CSMD1: variants seen among roughly 807,000 people sequenced by gnomAD.
The protein encoded by CSMD1 is CUB and sushi domain-containing protein 1.
Under a neutral mutation model 417.5 loss-of-function variants are expected in CSMD1, and 213 were observed. That is an observed-to-expected ratio of 0.51 (90% CI 0.46 to 0.57). The LOEUF (loss-of-function observed/expected upper bound fraction) is 0.57, where lower values mean the gene tolerates loss of function less well. Among genes scored for constraint, CSMD1 ranks in the 20% least tolerant of loss-of-function variants. The pLI is 0.00. For synonymous variants in CSMD1, 2,862 were observed against 1,736.8 expected, an observed-to-expected ratio of 1.65 and a Z score of -16.11; for missense variants, 6,923 against 4,529.7, an observed-to-expected ratio of 1.53 and a Z score of -15.17.
At chr8:3,638,873 G>T (rs1025349743) in intron 7 of CSMD1, among the ~76,000 whole-genome samples, 3 of 152,054 alleles carry the variant, frequency 2.0e-5, no homozygotes, top group Non-Finnish European at 4.4e-5. Context: ...AAAACTACAA[G>T]AAAAATGGGG....
chr8:3,286,693 G>A (rs1803186975), intron 25 of CSMD1, among the ~76,000 whole-genome samples: 1 of 151,502 alleles, frequency 6.6e-6, no homozygotes, highest in Non-Finnish European at 1.5e-5. Flanking sequence ...TTGTAAATTT[G>A]TTAGAGTTCA....
At chr8:3,091,485 T>C in intron 48 of CSMD1, 31 bp downstream of exon 48, 1 of 1,532,484 alleles carries the variant, frequency 6.5e-7, no homozygotes, top group Non-Finnish European at 8.8e-7. Context: ...TTAAAATACT[T>C]TCATATAAAA....
chr8:4,388,676 A>T (rs1025301043), intron 3 of CSMD1, among the ~76,000 whole-genome samples: 2 of 152,094 alleles, frequency 1.3e-5, no homozygotes, highest in African/African-American at 4.8e-5. Context: ...ACCAAATACC[A>T]CTTGAACTCC....
chr8:4,067,648 A>G (rs190487673), intron 3 of CSMD1, among the ~76,000 whole-genome samples: 2 of 152,324 alleles, frequency 1.3e-5, no homozygotes, highest in Admixed American at 6.5e-5. Flanking sequence ...ATTTCATTCA[A>G]AAAGAATAAA....
chr8:3,402,029 CAT>C (rs1413410132), intron 15 of CSMD1, among the ~76,000 whole-genome samples: 3 of 151,934 alleles, frequency 2.0e-5, no homozygotes, highest in Admixed American at 6.6e-5. Flanking sequence ...CACACACACA[CAT>C]ACACCCCTTC....
At chr8:4,065,831 A>G (rs1280445794) in intron 3 of CSMD1, among the ~76,000 whole-genome samples, 1 of 152,180 alleles carries the variant, frequency 6.6e-6, no homozygotes, top group Non-Finnish European at 1.5e-5. Flanking sequence ...CTTTTTTTGG[A>G]ATATATTTTA....
intron 38 of CSMD1, among the ~76,000 whole-genome samples, chr8:3,158,200 A>G (rs1357617732): frequency 6.6e-6 from 1 of 152,166 alleles, no homozygotes; most frequent in Non-Finnish European, 1.5e-5. Context: ...AAATCTTGCA[A>G]TGTCCTTTTG....
intron 5 of CSMD1, among the ~76,000 whole-genome samples, chr8:3,936,395 A>G (rs1158835129): frequency 3.9e-5 from 6 of 152,168 alleles, no homozygotes; most frequent in Admixed American, 3.3e-4. Context: ...AAAGAAGTCA[A>G]TGACTAGCTT....
At chr8:4,111,201 G>A (rs1267020826) in intron 3 of CSMD1, among the ~76,000 whole-genome samples, 1 of 152,050 alleles carries the variant, frequency 6.6e-6, no homozygotes, top group Non-Finnish European at 1.5e-5. Context: ...TGATATTTGT[G>A]TTATGTTTGT....
intron 26 of CSMD1, among the ~76,000 whole-genome samples, chr8:3,282,056 G>A (rs1204231998): frequency 1.3e-5 from 2 of 152,168 alleles, no homozygotes; most frequent in African/African-American, 2.4e-5. Flanking sequence ...TCCCAGCCAT[G>A]CCTTCTGTAC....
At chr8:4,680,817 T>A (rs1805993402) in intron 1 of CSMD1, among the ~76,000 whole-genome samples, 1 of 152,086 alleles carries the variant, frequency 6.6e-6, no homozygotes, top group Non-Finnish European at 1.5e-5. Flanking sequence ...TGACTTCAGG[T>A]GATCCACCCG....
chr8:3,475,102 G>A (rs1306014177), intron 11 of CSMD1, among the ~76,000 whole-genome samples: 2 of 151,978 alleles, frequency 1.3e-5, no homozygotes, highest in African/African-American at 2.4e-5. Context: ...ATCCTTGTAT[G>A]GACTGTCAAC....
At chr8:4,116,443 G>A (rs1477706262) in intron 3 of CSMD1, among the ~76,000 whole-genome samples, 2 of 146,266 alleles carry the variant, frequency 1.4e-5, no homozygotes, top group African/African-American at 2.6e-5. Context: ...CGACGTATGA[G>A]TGCAGGTGCC....
At chr8:3,321,494 G>C (rs1361347892) in intron 23 of CSMD1, among the ~76,000 whole-genome samples, 3 of 152,100 alleles carry the variant, frequency 2.0e-5, no homozygotes, top group African/African-American at 4.8e-5. Flanking sequence ...CAGGTGCTCT[G>C]CGTGTATCTA....
chr8:4,110,953 A>G (rs964394371), intron 3 of CSMD1, among the ~76,000 whole-genome samples: 7 of 152,172 alleles, frequency 4.6e-5, no homozygotes, highest in Non-Finnish European at 1.0e-4. Context: ...ATTAATAAGT[A>G]TTACAGTTTC....
rs532547027 is a variant in CSMD1 at position 4,254,212 on chromosome 8, A to T, written c.415+165741T>A. ...GACTGCAGGTGTGAGCCACCACGCC[A>T]AGCCTTTCCTTTTATCTTTAGCTTT... On this transcript the variant is annotated intron_variant, in intron 3 of 69. Coordinates refer to ENST00000635120, the MANE Select transcript of CSMD1 (RefSeq NM_033225.6). Among the ~76,000 whole-genome samples the T allele has an allele frequency of 6.2e-4, 95 of 152,150 alleles. No individual in the cohort carries two copies. The Middle Eastern group carries it at 0.02, about 33-fold the overall frequency.
At position 3,047,076 on chromosome 8, in the gene CSMD1, C is replaced by T. The variant is rs971138637; in HGVS notation, c.7660+5386G>A. Among the ~76,000 whole-genome samples, 6 of 151,874 alleles carry T rather than the reference C, an allele frequency of 4.0e-5. 1 individual carries two copies. The highest frequency in any genetic ancestry group is 1.9e-4 in the East Asian group (1 of 5,130). On this transcript the variant is annotated intron_variant, in intron 50 of 69. Coordinates refer to ENST00000635120, the MANE Select transcript of CSMD1 (RefSeq NM_033225.6). ...TACAAAAATTAGCTGGGTGTGGTGG[C>T]GGGTGCCTGTAATCCCAGCTAGTCA...
intron 12 of CSMD1, among the ~76,000 whole-genome samples, chr8:3,430,549 G>C (rs1814149756): frequency 6.6e-6 from 1 of 152,190 alleles, no homozygotes; most frequent in African/African-American, 2.4e-5. Flanking sequence ...GCTTACAACT[G>C]TAATCTCAGC....
chr8:3,498,362 C>T (rs1796454128), intron 10 of CSMD1, among the ~76,000 whole-genome samples: 1 of 152,132 alleles, frequency 6.6e-6, no homozygotes, highest in South Asian at 2.1e-4. Flanking sequence ...ACTGTGATAT[C>T]CATCACCTCA....
Sources: gnomAD v4.1 joint callset for allele counts (sites outside exome capture counted in the v4.1 genomes callset) on GRCh38, gnomAD v4.1.1 for gene constraint, MANE v1.5 for transcripts, NCBI Gene and HGNC (gene_info 2026-07-23, HGNC 2026-07-21) for gene names.